Variants in OLFM4 observed in about 807,000 individuals in gnomAD.
OLFM4 encodes olfactomedin-4.
Under a neutral mutation model 25.5 loss-of-function variants are expected in OLFM4, and 22 were observed. The ratio of observed to expected loss-of-function variants is 0.86; its 90% CI spans 0.62 to 1.23. The LOEUF is 1.23. Ranked by LOEUF, OLFM4 falls within the 50% of genes most tolerant of loss-of-function variation. The pLI is 0.00. For missense variants in OLFM4, 594 were observed against 619.4 expected (o/e 0.96, Z 0.44); for synonymous variants, 255 against 237.7 (o/e 1.07, Z -0.67).
At chr13:53,049,054 A>G (rs1371194723) in intron 4 of OLFM4, among the ~76,000 whole-genome samples, 1 of 152,184 alleles carries the variant, frequency 6.6e-6, no homozygotes. Flanking sequence ...CAAGTGTTAC[A>G]GGGAATGTAG....
intron 2 of OLFM4, 27 bp from the exon 3 acceptor site, chr13:53,041,883 G>A: frequency 6.4e-7 from 1 of 1,561,078 alleles, no homozygotes. Context: ...TCAGGGAATT[G>A]GCTTGAACCT....
chr13:53,039,860 T>A (rs1053752026), intron 2 of OLFM4, among the ~76,000 whole-genome samples: 2 of 152,196 alleles, frequency 1.3e-5, no homozygotes, highest in Non-Finnish European at 2.9e-5. Flanking sequence ...TTTTCGACTT[T>A]CATTAAAATC....
intron 1 of OLFM4, among the ~76,000 whole-genome samples, chr13:53,030,578 GGCATGAGCCACC>G (rs1954624260): frequency 6.6e-6 from 1 of 152,182 alleles, no homozygotes; most frequent in South Asian, 2.1e-4. Context: ...TGGGATTACA[GGCATGAGCCACC>G]GCACCTGGCC....
At chr13:53,033,832 G>A (rs1954641696) in intron 1 of OLFM4, among the ~76,000 whole-genome samples, 1 of 152,060 alleles carries the variant, frequency 6.6e-6, no homozygotes. Flanking sequence ...AGGCCGAGGT[G>A]GGTGGATCAC....
intron 4 of OLFM4, among the ~76,000 whole-genome samples, chr13:53,045,385 C>T (rs1398444496): frequency 6.6e-6 from 1 of 152,126 alleles, no homozygotes; most frequent in Admixed American, 6.6e-5. Context: ...ACTTGGCTCT[C>T]TTCCAGCTTT....
intron 4 of OLFM4, among the ~76,000 whole-genome samples, chr13:53,045,245 C>T (rs1954710197): frequency 6.6e-6 from 1 of 151,818 alleles, no homozygotes; most frequent in African/African-American, 2.4e-5. Context: ...TTTCCCAGAA[C>T]TTTCCCCTAG....
At chr13:53,029,699 A>G (rs757814277) in intron 1 of OLFM4, among the ~76,000 whole-genome samples, 45 of 152,226 alleles carry the variant, frequency 3.0e-4, no homozygotes, top group Admixed American at 5.9e-4. Flanking sequence ...CACTCTTTGC[A>G]GTCTTCTTTA....
intron 2 of OLFM4, among the ~76,000 whole-genome samples, chr13:53,037,664 T>C (rs1427562671): frequency 6.6e-6 from 1 of 152,206 alleles, no homozygotes. Flanking sequence ...GCCCACTAAG[T>C]ACTGAAGTTA....
chr13:53,030,594 C>T (rs1345222165), intron 1 of OLFM4, among the ~76,000 whole-genome samples: 2 of 152,198 alleles, frequency 1.3e-5, no homozygotes, highest in African/African-American at 4.8e-5. Flanking sequence ...AGCCACCGCA[C>T]CTGGCCTGTA....
rs1593475610 is a variant in OLFM4, at chr13:53,028,858, C to T, written c.22C>T (p.Leu8Phe). The change falls in exon 1 of 5, where the codon CTC becomes TTC. Residue 8 changes from leucine (L) to phenylalanine (F), a missense_variant. Physicochemically the swap from Leu to Phe is conservative, Grantham distance 22. Coordinates refer to ENST00000219022, the MANE Select transcript of OLFM4 (RefSeq NM_006418.5). MRPGLSF[L>F]LALLFFLGQA... ...CAAGATGAGGCCCGGCCTCTCATTT[C>T]TCCTAGCCCTTCTGTTCTTCCTTGG... The T allele has an allele frequency of 1.9e-6, 3 of 1,614,238 alleles. No individual in the cohort carries two copies. The highest frequency in any genetic ancestry group is 2.5e-6 in the Non-Finnish European group (3 of 1,180,036).
intron 4 of OLFM4, among the ~76,000 whole-genome samples, chr13:53,048,009 A>G (rs972598840): frequency 6.6e-6 from 1 of 152,204 alleles, no homozygotes; most frequent in Non-Finnish European, 1.5e-5. Context: ...TCAGAGTGAA[A>G]TGTAGTTAAA....
intron 1 of OLFM4, 152 bp from the exon 2 acceptor site, chr13:53,034,196 G>C: frequency 1.4e-6 from 1 of 705,354 alleles, no homozygotes; most frequent in Non-Finnish European, 2.3e-6. Flanking sequence ...AAACAAAGCT[G>C]TTTTAGCTTG....
rs1954647232 is a variant in OLFM4, at chr13:53,034,461, T to C, written c.318T>C (p.Ala106=). ...VDRVERLEFT[A]HVLSQKFEKE... ...GAGTGGAACGCTTGGAATTCACAGC[T>C]CATGTTCTTTCTCAGAAGTTTGAGA... The change falls in exon 2 of 5, where the codon GCT becomes GCC. Residue 106 remains alanine, a synonymous_variant. Coordinates refer to ENST00000219022, the MANE Select transcript of OLFM4 (RefSeq NM_006418.5). 6.2e-7 allele frequency: 1 copy of C among 1,613,564 alleles called. No individual in the cohort carries two copies. Among genetic ancestry groups the C allele is most frequent in the Non-Finnish European group, 8.5e-7 (1 of 1,179,904 alleles).
chr13:53,042,962 G>A, intron 3 of OLFM4, 143 bp from the exon 4 acceptor site: 1 of 615,272 alleles, frequency 1.6e-6, no homozygotes, highest in Non-Finnish European at 2.7e-6. Context: ...ACCATAAAAT[G>A]TATTCTTCCA....
intron 4 of OLFM4, among the ~76,000 whole-genome samples, chr13:53,044,726 G>A (rs889556472): frequency 5.9e-5 from 9 of 152,104 alleles, no homozygotes; most frequent in African/African-American, 2.2e-4. Flanking sequence ...CAGACAACAT[G>A]GTCTGTCCTC....
intron 1 of OLFM4, among the ~76,000 whole-genome samples, chr13:53,033,277 G>A (rs1480074127): frequency 1.3e-5 from 2 of 152,020 alleles, no homozygotes; most frequent in African/African-American, 2.4e-5. Flanking sequence ...TTCTGCAAAT[G>A]GTAAGCTGGA....
intron 1 of OLFM4, among the ~76,000 whole-genome samples, chr13:53,030,627 G>A (rs151169721): frequency 1.3e-5 from 2 of 152,222 alleles, no homozygotes; most frequent in African/African-American, 2.4e-5. Flanking sequence ...ACCCTAAGAG[G>A]TAGGTACAAT....
intron 1 of OLFM4, among the ~76,000 whole-genome samples, chr13:53,030,398 G>A (rs2138229390): frequency 6.6e-6 from 1 of 152,262 alleles, no homozygotes; most frequent in East Asian, 1.9e-4. Context: ...CGCCTACCAG[G>A]TTCAAGCGAT....
At chr13:53,029,236 C>T (rs1010392443) in intron 1 of OLFM4, among the ~76,000 whole-genome samples, 196 bp downstream of exon 1, 4 of 152,136 alleles carry the variant, frequency 2.6e-5, no homozygotes, top group Non-Finnish European at 4.4e-5. Flanking sequence ...GAGACGATAT[C>T]GCAGTTCTCC....
Sources: allele counts gnomAD v4.1 joint callset (sites outside exome capture counted in the v4.1 genomes callset), GRCh38; gene constraint gnomAD v4.1.1; transcripts MANE v1.5; gene names NCBI Gene and HGNC (gene_info 2026-07-23, HGNC 2026-07-21).